Variants in GBE1 observed in about 807,000 individuals in gnomAD.
The protein encoded by GBE1 is 1,4-alpha-glucan branching enzyme 1, also known as 1,4-alpha-glucan-branching enzyme.
Under a neutral mutation model 88.8 loss-of-function variants are expected in GBE1, and 70 were observed. That is an observed-to-expected ratio of 0.79 (90% confidence interval 0.65 to 0.96). The LOEUF is 0.96. GBE1 is among the 40% of genes least tolerant of loss of function. GBE1 has a pLI of 0.00. For synonymous variants in GBE1, 284 were observed against 300.1 expected (o/e 0.95, Z 0.56); for missense variants, 872 against 871.0 (o/e 1.00, Z -0.01).
At chr3:81,590,892 C>T (rs1703868307) in intron 9 of GBE1, 145 bp downstream of exon 9, 1 of 531,522 alleles carries the variant, frequency 1.9e-6, no homozygotes, top group Non-Finnish European at 3.1e-6. Flanking sequence ...ATGTGCCACC[C>T]ATACAAGATA....
chr3:81,630,954 G>A (rs962215077), intron 7 of GBE1, among the ~76,000 whole-genome samples: 1 of 152,190 alleles, frequency 6.6e-6, no homozygotes, highest in African/African-American at 2.4e-5. Context: ...TATAATCCTA[G>A]CACTTTCAGA....
At chr3:81,610,141 A>G (rs1172459410) in intron 7 of GBE1, among the ~76,000 whole-genome samples, 1 of 152,208 alleles carries the variant, frequency 6.6e-6, no homozygotes, top group African/African-American at 2.4e-5. Flanking sequence ...ATGATGCTAC[A>G]TGATGCTACA....
intron 14 of GBE1, among the ~76,000 whole-genome samples, chr3:81,519,119 GT>G (rs1484352956): frequency 1.3e-5 from 2 of 151,594 alleles, no homozygotes; most frequent in African/African-American, 4.8e-5. Context: ...AAAGCCTTCT[GT>G]AAACCAAGCA....
chr3:81,661,727 C>T (rs1267242160), intron 3 of GBE1, among the ~76,000 whole-genome samples: 1 of 152,054 alleles, frequency 6.6e-6, no homozygotes, highest in African/African-American at 2.4e-5. Context: ...GAGATAAAAG[C>T]TAGACCTGAG....
chr3:81,667,688 C>T (rs1348437829), intron 3 of GBE1, among the ~76,000 whole-genome samples: 1 of 152,168 alleles, frequency 6.6e-6, no homozygotes, highest in Non-Finnish European at 1.5e-5. Context: ...GTCTTTTCTG[C>T]ATCTACTGAG....
chr3:81,746,748 A>G (rs936860850), intron 1 of GBE1, among the ~76,000 whole-genome samples: 6 of 152,210 alleles, frequency 3.9e-5, no homozygotes, highest in Non-Finnish European at 1.5e-5. Context: ...CTGAAAAGAA[A>G]AAACCTTAAC....
intron 12 of GBE1, among the ~76,000 whole-genome samples, chr3:81,546,959 A>G (rs578256885): frequency 6.6e-6 from 1 of 151,380 alleles, no homozygotes; most frequent in Non-Finnish European, 1.5e-5. Context: ...TGGAAGGAAC[A>G]ATACTAAGGA....
chr3:81,549,229 CT>C (rs1361431673), intron 12 of GBE1, among the ~76,000 whole-genome samples: 1 of 150,950 alleles, frequency 6.6e-6, no homozygotes, highest in East Asian at 1.9e-4. Flanking sequence ...GGGGTTTCAC[CT>C]TCTTGGCCAG....
intron 5 of GBE1, among the ~76,000 whole-genome samples, chr3:81,646,749 T>C (rs1278658909): frequency 6.6e-6 from 1 of 152,192 alleles, no homozygotes; most frequent in African/African-American, 2.4e-5. Flanking sequence ...CTTAATTTGG[T>C]TTTAGCATAT....
intron 14 of GBE1, among the ~76,000 whole-genome samples, chr3:81,510,779 G>A (rs1052554055): frequency 7.2e-5 from 11 of 151,954 alleles, no homozygotes; most frequent in African/African-American, 2.4e-4. Context: ...ACACATGCAC[G>A]GGGATATTTT....
intron 1 of GBE1, among the ~76,000 whole-genome samples, chr3:81,752,719 T>G (rs1183462881): frequency 6.6e-6 from 1 of 152,052 alleles, no homozygotes; most frequent in African/African-American, 2.4e-5. Flanking sequence ...ACCACCTGCC[T>G]CACCTCATTC....
intron 1 of GBE1, among the ~76,000 whole-genome samples, chr3:81,755,404 CA>C (rs1706588773): frequency 6.6e-6 from 1 of 151,782 alleles, no homozygotes; most frequent in African/African-American, 2.4e-5. Flanking sequence ...GAAAAAAAAA[CA>C]GTATAGAAGT....
At chr3:81,638,695 G>A (rs933523949) in intron 7 of GBE1, among the ~76,000 whole-genome samples, 1 of 152,092 alleles carries the variant, frequency 6.6e-6, no homozygotes, top group East Asian at 1.9e-4. Flanking sequence ...ATTAAACATG[G>A]GCAGCTCCTG....
rs112590066 is a variant in GBE1 at position 81,580,849 on chromosome 3, A to G, written c.1446+316T>C. ...CTAAAATAAACCTGGTCCAGCACCA[A>G]TTTTCTTCATTATGACAAGGGAAAA... is the stretch of plus-strand genomic sequence containing the variant. On this transcript the variant is annotated intron_variant, in intron 11 of 15. Coordinates refer to ENST00000429644, the MANE Select transcript of GBE1 (RefSeq NM_000158.4). Among the ~76,000 whole-genome samples, 37 of 152,164 alleles carry G rather than the reference A, an allele frequency of 2.4e-4. 2 individuals are homozygous for G. The highest frequency in any genetic ancestry group is 8.4e-4 in the African/African-American group (35 of 41,554).
chr3:81,649,101 T>G, intron 4 of GBE1, 110 bp from the exon 5 acceptor site: 1 of 731,628 alleles, frequency 1.4e-6, no homozygotes, highest in Non-Finnish European at 2.1e-6. Flanking sequence ...CTTGGAACTA[T>G]TCTCACATAT....
At chr3:81,513,622 G>A (rs1014495850) in intron 14 of GBE1, among the ~76,000 whole-genome samples, 1 of 151,358 alleles carries the variant, frequency 6.6e-6, no homozygotes, top group African/African-American at 2.4e-5. Flanking sequence ...CAACAGACAG[G>A]ATTAGTACCT....
At chr3:81,726,200 C>T (rs894792570) in intron 1 of GBE1, among the ~76,000 whole-genome samples, 14 of 148,984 alleles carry the variant, frequency 9.4e-5, no homozygotes, top group Non-Finnish European at 1.9e-4. Context: ...AATACATCCC[C>T]CTTCAATCCC....
intron 1 of GBE1, among the ~76,000 whole-genome samples, chr3:81,728,507 A>G (rs766986225): frequency 8.7e-4 from 132 of 152,194 alleles, no homozygotes; most frequent in Non-Finnish European, 1.7e-3. Context: ...AATAACAGAA[A>G]AGAAACTGGA....
intron 2 of GBE1, among the ~76,000 whole-genome samples, chr3:81,682,621 ATG>A (rs1488783005): frequency 6.6e-6 from 1 of 152,226 alleles, no homozygotes; most frequent in Non-Finnish European, 1.5e-5. Context: ...TAGCAAAGAT[ATG>A]GAAAAATTTC....
Sources: allele counts gnomAD v4.1 joint callset (sites outside exome capture counted in the v4.1 genomes callset), GRCh38; gene constraint gnomAD v4.1.1; transcripts MANE v1.5; gene names NCBI Gene and HGNC (gene_info 2026-07-23, HGNC 2026-07-21).